Variants in INTS15 observed in about 807,000 individuals in gnomAD.
INTS15 encodes integrator complex subunit 15.
At chr7:6,599,602 T>C in the INTS15 span, among the ~76,000 whole-genome samples, 1 of 152,184 alleles carries the variant, frequency 6.6e-6, no homozygotes, top group Non-Finnish European at 1.5e-5. Flanking sequence ...TCTCCCTTGC[T>C]CCAGGGTCCT....
At chr7:6,590,175 C>G in the INTS15 span, 1 of 995,836 alleles carries the variant, frequency 1.0e-6, no homozygotes, top group Non-Finnish European at 1.3e-6. Context: ...GGGCGGGTGC[C>G]GCAGCCCAGG....
At chr7:6,594,443 C>G in the INTS15 span, 5 of 1,614,022 alleles carry the variant, frequency 3.1e-6, no homozygotes, top group Non-Finnish European at 4.2e-6. Context: ...AGCGGACGCC[C>G]GTGGTTTACT....
chr7:6,601,197 T>A, the INTS15 span, among the ~76,000 whole-genome samples: 1 of 152,156 alleles, frequency 6.6e-6, no homozygotes, highest in Non-Finnish European at 1.5e-5. Context: ...TTTCAAACTC[T>A]TGGGCTCAAG....
chr7:6,597,250 T>C, the INTS15 span, among the ~76,000 whole-genome samples: 2 of 151,640 alleles, frequency 1.3e-5, no homozygotes, highest in African/African-American at 4.8e-5. Flanking sequence ...CATCTTCCAA[T>C]AGGAAAGATT....
the INTS15 span, chr7:6,590,137 G>C: frequency 4.9e-6 from 3 of 607,270 alleles, no homozygotes; most frequent in South Asian, 1.0e-4. Context: ...TGAGCAGGCA[G>C]GGAGCAGGCG....
At chr7:6,601,971 A>G in the INTS15 span, 1 of 815,858 alleles carries the variant, frequency 1.2e-6, no homozygotes. Flanking sequence ...CTCAGTTTCT[A>G]AATGACACTA....
chr7:6,599,446 G>A, the INTS15 span, among the ~76,000 whole-genome samples: 2 of 152,208 alleles, frequency 1.3e-5, no homozygotes, highest in Non-Finnish European at 2.9e-5. Flanking sequence ...TGAGCACCGG[G>A]AGGACACGTA....
chr7:6,591,929 T>A, the INTS15 span: 16 of 1,516,126 alleles, frequency 1.1e-5, no homozygotes, highest in Non-Finnish European at 1.5e-5. Flanking sequence ...CCCAGCACTT[T>A]GGGAAGCTGA....
At chr7:6,590,050 A>C in the INTS15 span, 2 of 252,758 alleles carry the variant, frequency 7.9e-6, no homozygotes. Context: ...GCGCGGCGGC[A>C]GCTCCCGGCG....
chr7:6,592,748 A>G, the INTS15 span, among the ~76,000 whole-genome samples: 2 of 151,580 alleles, frequency 1.3e-5, no homozygotes, highest in Non-Finnish European at 2.9e-5. Flanking sequence ...AGCTGGGACC[A>G]CAGGCGCACA....
At chr7:6,604,817 G>A in the INTS15 span, among the ~76,000 whole-genome samples, 1 of 152,218 alleles carries the variant, frequency 6.6e-6, no homozygotes, top group South Asian at 2.1e-4. Flanking sequence ...TTCTGCAAGG[G>A]AGGAGCCGGG....
the INTS15 span, among the ~76,000 whole-genome samples, chr7:6,593,298 G>A: frequency 1.3e-5 from 2 of 151,884 alleles, no homozygotes; most frequent in African/African-American, 2.4e-5. Flanking sequence ...TAACAAAAAC[G>A]GGTGGTGGGA....
the INTS15 span, among the ~76,000 whole-genome samples, chr7:6,591,085 C>T: frequency 6.6e-6 from 1 of 151,756 alleles, no homozygotes; most frequent in Admixed American, 6.6e-5. Context: ...GATTCTCTCT[C>T]CTTGGCCTCC....
chr7:6,608,390 G>A, the INTS15 span: 12 of 1,399,462 alleles, frequency 8.6e-6, no homozygotes, highest in South Asian at 3.1e-5. Flanking sequence ...AGCCTGCTGC[G>A]TGCATTTTTA....
At chr7:6,608,072 G>T in the INTS15 span, 1 of 1,580,448 alleles carries the variant, frequency 6.3e-7, no homozygotes, top group African/African-American at 1.3e-5. Flanking sequence ...GGCTGTCCCG[G>T]CCCACCCCGC....
the INTS15 span, chr7:6,590,617 C>T: frequency 4.3e-6 from 6 of 1,383,084 alleles, no homozygotes; most frequent in Admixed American, 3.3e-5. Context: ...CCTGCAGCAG[C>T]CCCCAAACCC....
chr7:6,590,313 C>G, the INTS15 span: 4 of 1,587,286 alleles, frequency 2.5e-6, no homozygotes, highest in African/African-American at 5.5e-5. Context: ...CGCTGCTGCG[C>G]CGCGATGCGC....
chr7:6,590,089 C>A, the INTS15 span: 1 of 358,916 alleles, frequency 2.8e-6, no homozygotes, highest in Non-Finnish European at 4.7e-6. Flanking sequence ...GTCGGACCTT[C>A]GGGCGCCTGC....
the INTS15 span, among the ~76,000 whole-genome samples, chr7:6,598,767 G>A: frequency 1.6e-3 from 169 of 104,694 alleles, 1 homozygote; most frequent in Middle Eastern, 9.3e-3. Context: ...GTGTGTGTGT[G>A]TGTGTGTGTG....
Sources: allele counts gnomAD v4.1 joint callset (sites outside exome capture counted in the v4.1 genomes callset), GRCh38; gene constraint gnomAD v4.1.1; transcripts MANE v1.5; gene names NCBI Gene and HGNC (gene_info 2026-07-23, HGNC 2026-07-21).